The following DCDC1 variants were observed in gnomAD, a reference collection of about 807,000 sequenced individuals.
DCDC1 encodes doublecortin domain-containing protein 1.
DCDC1 carries 200 observed loss-of-function variants against 178.3 expected under a neutral mutation model. The observed-to-expected ratio is 1.12, with a 90% CI of 1.00 to 1.26. DCDC1 has a LOEUF of 1.26. Among genes scored for constraint, DCDC1 ranks in the 50% most tolerant of loss-of-function variants. The probability of loss-of-function intolerance (pLI) is 0.00; values close to 1 mark genes in which losing one functional copy is unlikely to be tolerated. For synonymous variants in DCDC1, 690 were observed against 604.8 expected (o/e 1.14, Z -2.07); for missense variants, 1,983 against 1,749.2 (o/e 1.13, Z -2.38).
intron 20 of DCDC1, among the ~76,000 whole-genome samples, chr11:31,022,643 T>TTGTGTGTGTGTGTGTGTGTG (rs4067986): frequency 8.3e-5 from 10 of 121,048 alleles, no homozygotes; most frequent in Admixed American, 6.1e-4. Flanking sequence ...GTCTTTTAGT[T>TTGTGTGTGTGTGTGTGTGTG]TGTGTGTGTG....
chr11:30,962,570 A>G (rs1362996545), intron 20 of DCDC1, among the ~76,000 whole-genome samples: 1 of 152,058 alleles, frequency 6.6e-6, no homozygotes, highest in Non-Finnish European at 1.5e-5. Flanking sequence ...CCTTAACACA[A>G]TCTAAATTTA....
intron 28 of DCDC1, among the ~76,000 whole-genome samples, chr11:30,910,246 TG>T (rs1452146263): frequency 6.6e-6 from 1 of 152,278 alleles, no homozygotes; most frequent in African/African-American, 2.4e-5. Flanking sequence ...TCTTATGAAA[TG>T]GTAACCTTGG....
chr11:31,223,171 G>T (rs1222106340), intron 9 of DCDC1, among the ~76,000 whole-genome samples: 1 of 151,960 alleles, frequency 6.6e-6, no homozygotes, highest in Non-Finnish European at 1.5e-5. Flanking sequence ...TAATTGCAAA[G>T]AAATTGATTT....
intron 20 of DCDC1, among the ~76,000 whole-genome samples, chr11:31,059,861 G>C (rs1402987637): frequency 6.6e-6 from 1 of 151,960 alleles, no homozygotes; most frequent in Admixed American, 6.6e-5. Flanking sequence ...AAGAAAATCA[G>C]AATGTAATTC....
chr11:30,920,971 C>T, intron 24 of DCDC1, 36 bp from the exon 25 acceptor site: 1 of 1,575,180 alleles, frequency 6.3e-7, no homozygotes, highest in Non-Finnish European at 8.6e-7. Flanking sequence ...AGACATATTA[C>T]TTACAATTGC....
intron 13 of DCDC1, among the ~76,000 whole-genome samples, chr11:31,104,219 T>C (rs1958700623): frequency 6.6e-6 from 1 of 152,168 alleles, no homozygotes. Flanking sequence ...TACATATTGT[T>C]AGGCACACTG....
intron 9 of DCDC1, among the ~76,000 whole-genome samples, chr11:31,216,686 T>C (rs1973611369): frequency 6.6e-6 from 1 of 152,210 alleles, no homozygotes; most frequent in African/African-American, 2.4e-5. Context: ...GCCATCCCAA[T>C]GCTTACCTCA....
rs189058930 is a variant in DCDC1 at position 30,965,250 on chromosome 11, T to C, written c.2592-12682A>G. Among the ~76,000 whole-genome samples the C allele has an allele frequency of 1.1e-4, 16 of 152,318 alleles. No individual in the cohort carries two copies. In the East Asian group the frequency reaches 3.1e-3, roughly 29 times the overall value. Reference sequence around the variant, plus strand: ...TCCAAAGTCCAGAGCCTTGAACTTGTTCTGTATCTGACATGAGTGAGAGTC... The same window carrying C: ...TCCAAAGTCCAGAGCCTTGAACTTGCTCTGTATCTGACATGAGTGAGAGTC... On this transcript the variant is annotated intron_variant, in intron 20 of 38. Coordinates refer to ENST00000684477, the MANE Select transcript of DCDC1 (RefSeq NM_001387274.1).
chr11:31,295,188 T>C (rs1212132015), intron 6 of DCDC1, among the ~76,000 whole-genome samples: 2 of 152,264 alleles, frequency 1.3e-5, no homozygotes, highest in Non-Finnish European at 2.9e-5. Flanking sequence ...CCTAATACAA[T>C]GTGAATGCTA....
intron 21 of DCDC1, among the ~76,000 whole-genome samples, chr11:30,935,261 C>G (rs1565095900): frequency 6.6e-6 from 1 of 152,124 alleles, no homozygotes; most frequent in Non-Finnish European, 1.5e-5. Context: ...ATACGTCATC[C>G]CAGCTGGGGC....
chr11:31,003,012 A>G (rs913067349), intron 20 of DCDC1, among the ~76,000 whole-genome samples: 2 of 151,894 alleles, frequency 1.3e-5, no homozygotes, highest in Non-Finnish European at 2.9e-5. Context: ...TAAACCACCA[A>G]TTTCATTCAT....
intron 20 of DCDC1, among the ~76,000 whole-genome samples, chr11:30,971,894 C>A (rs1274908194): frequency 6.6e-6 from 1 of 152,096 alleles, no homozygotes; most frequent in African/African-American, 2.4e-5. Context: ...CAGGCATGAG[C>A]CACTGCACCT....
At chr11:31,348,757 C>G (rs1169869282) in intron 1 of DCDC1, among the ~76,000 whole-genome samples, 1 of 152,140 alleles carries the variant, frequency 6.6e-6, no homozygotes, top group East Asian at 1.9e-4. Context: ...TTTGCAAAGC[C>G]CCATCTCCAA....
At position 31,083,726 on chromosome 11, in the gene DCDC1, G is replaced by A. The variant is rs138802918; in HGVS notation, c.2238-5801C>T. Among the ~76,000 whole-genome samples the A allele has an allele frequency of 3.3e-5, 5 of 152,260 alleles. No homozygotes were observed. In the East Asian group the frequency reaches 9.6e-4, roughly 29 times the overall value. Reference sequence around the variant, plus strand: ...TAGGCTCACGACTAATTCAAAAATTGTAATAACATGCAAGCCAAACAAAAT... The same window carrying A: ...TAGGCTCACGACTAATTCAAAAATTATAATAACATGCAAGCCAAACAAAAT... On this transcript the variant is annotated intron_variant, in intron 17 of 38. Transcript: ENST00000684477.
rs138784110 is a variant in DCDC1 at position 31,191,509 on chromosome 11, G to A, written c.1221+49941C>T. On this transcript the variant is annotated intron_variant, in intron 9 of 38. Coordinates refer to ENST00000684477, the MANE Select transcript of DCDC1 (RefSeq NM_001387274.1). ...AATATCAAAAGGTATGGAAAAGGTG[G>A]TAGAGATGAGCAGTATGAACTCTAA... Among the ~76,000 whole-genome samples the A allele has an allele frequency of 3.6e-4, 55 of 152,228 alleles. No individual in the cohort carries two copies. In the East Asian group the frequency reaches 0.01, roughly 28 times the overall value.
At chr11:31,031,150 G>A (rs1194740325) in intron 20 of DCDC1, among the ~76,000 whole-genome samples, 2 of 152,070 alleles carry the variant, frequency 1.3e-5, no homozygotes, top group East Asian at 1.9e-4. Flanking sequence ...TTTGAATCAC[G>A]AACATGTAAG....
intron 9 of DCDC1, among the ~76,000 whole-genome samples, chr11:31,225,270 T>C (rs1012767421): frequency 1.3e-5 from 2 of 150,308 alleles, no homozygotes; most frequent in Non-Finnish European, 1.5e-5. Flanking sequence ...ACATACAATA[T>C]CCAGAAAACT....
intron 9 of DCDC1, among the ~76,000 whole-genome samples, chr11:31,233,341 T>G (rs1001611010): frequency 6.6e-6 from 1 of 152,210 alleles, no homozygotes; most frequent in Non-Finnish European, 1.5e-5. Flanking sequence ...CACATGGGTA[T>G]GCTTTGTCTC....
chr11:31,279,260 G>A lies in DCDC1; in HGVS notation c.960+11387C>T, dbSNP rs192400259. Among the ~76,000 whole-genome samples the A allele has an allele frequency of 1.2e-4, 19 of 152,174 alleles. No individual in the cohort carries two copies. In the East Asian group the frequency reaches 3.1e-3, roughly 25 times the overall value. On this transcript the variant is annotated intron_variant, in intron 7 of 38. Coordinates refer to ENST00000684477, the MANE Select transcript of DCDC1 (RefSeq NM_001387274.1). ...TTTTCTTTTTTTTGTGTGTGTGTGT[G>A]TGTATATCTCCTCTATTTTAATCCT...
Sources: gnomAD v4.1 joint callset for allele counts (sites outside exome capture counted in the v4.1 genomes callset) on GRCh38, gnomAD v4.1.1 for gene constraint, MANE v1.5 for transcripts, NCBI Gene and HGNC (gene_info 2026-07-23, HGNC 2026-07-21) for gene names.